The following SCUBE2 variants were observed in gnomAD, a reference collection of about 807,000 sequenced individuals.
SCUBE2 encodes the protein signal peptide, CUB domain and EGF like domain containing 2.
In SCUBE2, 114 loss-of-function variants were observed where a neutral mutation model predicts 125.9. The ratio of observed to expected loss-of-function variants is 0.91; its 90% CI spans 0.78 to 1.06. The LOEUF is 1.06. Among genes scored for constraint, SCUBE2 ranks in the 50% least tolerant of loss-of-function variants. The pLI, the probability that SCUBE2 is intolerant of heterozygous loss-of-function variation, is 0.00. For synonymous variants in SCUBE2, 459 were observed against 492.9 expected, an observed-to-expected ratio of 0.93 and a Z score of 0.91; for missense variants, 1,255 against 1,301.8, an observed-to-expected ratio of 0.96 and a Z score of 0.55.
chr11:9,084,258 A>C (rs1290168565), intron 2 of SCUBE2, among the ~76,000 whole-genome samples: 1 of 152,232 alleles, frequency 6.6e-6, no homozygotes, highest in East Asian at 1.9e-4. Context: ...ATAAATATAG[A>C]TGTAATAAAG....
rs367701920 is a variant in SCUBE2 at position 9,060,491 on chromosome 11, C to A, written c.884G>T (p.Arg295Leu). 2.5e-6 allele frequency: 4 copies of A among 1,613,788 alleles called. No homozygotes were observed. The highest frequency in any genetic ancestry group is 1.7e-5 in the Admixed American group (1 of 59,992). The change falls in exon 8 of 23, where the codon CGC (arginine) becomes CTC (leucine). Residue 295 changes from arginine (R) to leucine (L), a missense_variant. Coordinates refer to ENST00000649792, the MANE Select transcript of SCUBE2 (RefSeq NM_001367977.2). ...TCAVNNGGCD[R>L]TCKDTSTGVH... Reference sequence around the variant, plus strand: ...ACCTGTCGAAGTATCCTTACAGGTGCGGTCACAGCCTCCATTGTTGACAGC... The same window carrying A: ...ACCTGTCGAAGTATCCTTACAGGTGAGGTCACAGCCTCCATTGTTGACAGC...
chr11:9,048,391 G>A (rs912045884), intron 14 of SCUBE2, among the ~76,000 whole-genome samples: 2 of 152,212 alleles, frequency 1.3e-5, no homozygotes, highest in Admixed American at 6.5e-5. Flanking sequence ...AAGAACCAGG[G>A]ATTGTCTTGC....
chr11:9,035,276 G>A (rs1856664497), intron 16 of SCUBE2, among the ~76,000 whole-genome samples: 1 of 152,120 alleles, frequency 6.6e-6, no homozygotes, highest in African/African-American at 2.4e-5. Flanking sequence ...ACAGCCCTAA[G>A]GATCTAGGTA....
chr11:9,084,444 C>T (rs1024299334), intron 2 of SCUBE2, among the ~76,000 whole-genome samples: 1 of 152,034 alleles, frequency 6.6e-6, no homozygotes, highest in African/African-American at 2.4e-5. Context: ...CAGTTGGATG[C>T]TAACATCAGT....
chr11:9,088,623 C>T (rs1862327993), intron 2 of SCUBE2, among the ~76,000 whole-genome samples: 1 of 152,194 alleles, frequency 6.6e-6, no homozygotes, highest in Non-Finnish European at 1.5e-5. Flanking sequence ...AGATCAATTC[C>T]CATGGGAGTT....
At chr11:9,081,180 A>G (rs569331583) in intron 2 of SCUBE2, among the ~76,000 whole-genome samples, 2 of 152,238 alleles carry the variant, frequency 1.3e-5, no homozygotes, top group African/African-American at 4.8e-5. Context: ...GCCACTTTGG[A>G]CAAGAGTTTG....
chr11:9,032,127 ATT>A (rs1039137673), intron 17 of SCUBE2, among the ~76,000 whole-genome samples: 3 of 145,736 alleles, frequency 2.1e-5, no homozygotes. Context: ...TATTGCTGTC[ATT>A]TTTTTTTTTT....
chr11:9,020,964 G>A lies in SCUBE2; in HGVS notation c.*81C>T. On this transcript the variant is annotated 3_prime_UTR_variant, in exon 23 of 23. Transcript: ENST00000649792. ...ATACGGGAGGCAGCAATACCCGACT[G>A]TGCTGACATGCAGAAGGAAGACAGC... is the stretch of plus-strand genomic sequence containing the variant. The A allele has an allele frequency of 7.6e-7, 1 of 1,316,500 alleles. No individual in the cohort carries two copies. The highest frequency in any genetic ancestry group is 1.7e-5 in the South Asian group (1 of 59,368). 81.6% of individuals were successfully genotyped at this position (1,316,500 alleles called of 1,614,324 possible).
At chr11:9,069,247 G>A (rs924018170) in intron 5 of SCUBE2, 123 bp downstream of exon 5, 36 of 1,278,704 alleles carry the variant, frequency 2.8e-5, no homozygotes, top group East Asian at 7.1e-5. Context: ...TCGGTATCCC[G>A]TGCTAACTGC....
Position 9,027,398 on chromosome 11 carries a change from G to C in SCUBE2, c.2667C>G (p.Asp889Glu), listed in dbSNP as rs143312731. 497 of 1,613,976 alleles carry C rather than the reference G, an allele frequency of 3.1e-4. 2 individuals are homozygous for C. The highest frequency in any genetic ancestry group is 1.7e-4 in the Non-Finnish European group (205 of 1,179,990). ...VVPEIFLPIEDDCGDYLVMRK... is the reference protein window; with the variant it reads ...VVPEIFLPIEEDCGDYLVMRK... Reference sequence around the variant, plus strand: ...GCATCACCAGATAGTCCCCACAGTCGTCCTCTATGGGCAGGAAGATCTCAG... The same window carrying C: ...GCATCACCAGATAGTCCCCACAGTCCTCCTCTATGGGCAGGAAGATCTCAG... Residue 889 changes from aspartate to glutamate, a missense_variant, in exon 20 of 23, where the codon GAC (aspartate) becomes GAG (glutamate). Asp to Glu is a conservative substitution (Grantham distance 45, BLOSUM62 2). This residue lies in a region of SCUBE2 where 515 missense variants were observed against 515.7 expected (regional missense o/e 1.00). Transcript: ENST00000649792.
chr11:9,081,725 C>G (rs892467282), intron 2 of SCUBE2, among the ~76,000 whole-genome samples: 4 of 152,152 alleles, frequency 2.6e-5, no homozygotes, highest in Admixed American at 2.6e-4. Context: ...GTTGCTTATC[C>G]ACTCATCTGT....
At chr11:9,062,470 C>T (rs558175583) in intron 7 of SCUBE2, among the ~76,000 whole-genome samples, 9 of 152,284 alleles carry the variant, frequency 5.9e-5, no homozygotes, top group African/African-American at 2.2e-4. Context: ...ATCCAATTGG[C>T]TTTTTAGTAT....
At position 9,020,029 on chromosome 11, in the gene SCUBE2, C is replaced by A. The variant is rs1000566394; in HGVS notation, c.*1016G>T. On this transcript the variant is annotated 3_prime_UTR_variant, in exon 23 of 23. Transcript: ENST00000649792. Reference sequence around the variant, plus strand: ...GAGAATGAGACCACCCTTCAAGGGGCTGCTCATGTCCACGGAGCAGAGTCC... The same window carrying A: ...GAGAATGAGACCACCCTTCAAGGGGATGCTCATGTCCACGGAGCAGAGTCC... 1.3e-5 allele frequency among the ~76,000 whole-genome samples: 2 copies of A among 152,194 alleles called. No individual in the cohort carries two copies. Among genetic ancestry groups the A allele is most frequent in the African/African-American group, 4.8e-5 (2 of 41,434 alleles).
In SCUBE2 at chr11:9,054,698, A is replaced by ACAATATATATATAT. The variant is rs1564822811; in HGVS notation, c.1208-940_1208-939insATATATATATATTG. On this transcript the variant is annotated intron_variant, in intron 10 of 22. Transcript: ENST00000649792. Reference sequence around the variant, plus strand: ...AGATAACTGTCAGTAGCAAAGCACTAGTGTATATATATATATATATATATA... The same window carrying ACAATATATATATAT: ...AGATAACTGTCAGTAGCAAAGCACTACAATATATATATATGTGTATATATATATATATATATATA... 7.2e-4 allele frequency among the ~76,000 whole-genome samples: 44 copies of ACAATATATATATAT among 61,226 alleles called. 4 individuals carry two copies. The highest frequency in any genetic ancestry group is 8.9e-4 in the Non-Finnish European group (33 of 36,998). The allele number at this position is 61,226 out of a possible 152,430, so 40.2% of individuals were successfully genotyped here.
In SCUBE2 at chr11:9,026,612, TAA is replaced by T. The variant is rs200892647; in HGVS notation, c.2701+750_2701+751del. 9.1e-5 allele frequency: 13 copies of T among 142,448 alleles called. No individual in the cohort carries two copies. In the East Asian group the frequency reaches 1.4e-3, roughly 16 times the overall value. 8.8% of individuals were successfully genotyped at this position (142,448 alleles called of 1,614,324 possible). A position where few individuals can be genotyped will look rare whatever the true frequency, so the allele number is the denominator to read the frequency against. ...GCATGCACCATCATGCCCAGCTAAT[TAA>T]AAAAAAAAAAATGTATAGAGACAGG... On this transcript the variant is annotated intron_variant, in intron 20 of 22. Coordinates refer to ENST00000649792, the MANE Select transcript of SCUBE2 (RefSeq NM_001367977.2).
intron 22 of SCUBE2, among the ~76,000 whole-genome samples, 165 bp from the exon 23 acceptor site, chr11:9,021,362 T>C (rs190518669): frequency 6.6e-6 from 1 of 152,314 alleles, no homozygotes; most frequent in Non-Finnish European, 1.5e-5. Context: ...TTTTTATTTT[T>C]CCTAATTAGT....
Position 9,027,501 on chromosome 11 carries a change from G to A in SCUBE2, c.2564C>T (p.Pro855Leu). ...FTGYIESPNY[P>L]GNYPANTECT... Reference sequence around the variant, plus strand: ...CTCGGTGTTGGCTGGGTAATTGCCTGGGTAGTTTGGGGATTCAATGTACCC... The same window carrying A: ...CTCGGTGTTGGCTGGGTAATTGCCTAGGTAGTTTGGGGATTCAATGTACCC... The change falls in exon 20 of 23, where the codon CCA (proline) becomes CTA (leucine). Residue 855 changes from proline (P) to leucine (L), a missense_variant. By Grantham distance (98) the Pro-to-Leu change is moderately conservative (BLOSUM62 -3). Around this residue, in one of 3 missense-constraint regions of SCUBE2, gnomAD observed 515 missense variants for 515.7 expected, o/e 1.00. Transcript: ENST00000649792. The A allele has an allele frequency of 6.2e-7, 1 of 1,614,070 alleles. No homozygotes were observed. Among genetic ancestry groups the A allele is most frequent in the East Asian group, 2.2e-5 (1 of 44,868 alleles).
chr11:9,088,709 G>A (rs1287641464), intron 2 of SCUBE2, among the ~76,000 whole-genome samples: 1 of 152,214 alleles, frequency 6.6e-6, no homozygotes, highest in Non-Finnish European at 1.5e-5. Context: ...GTTGGGTCCA[G>A]GAGCAAGGAG....
chr11:9,073,147 G>A (rs143167998), intron 4 of SCUBE2, among the ~76,000 whole-genome samples: 214 of 152,262 alleles, frequency 1.4e-3, no homozygotes, highest in African/African-American at 4.8e-3. Context: ...CCTGAGATTC[G>A]GATCACTCTG....
Sources: gnomAD v4.1 joint callset for allele counts (sites outside exome capture counted in the v4.1 genomes callset) on GRCh38, gnomAD v4.1.1 for gene constraint, gnomAD v4.1.1 regional missense constraint, MANE v1.5 for transcripts, NCBI Gene and HGNC (gene_info 2026-07-23, HGNC 2026-07-21) for gene names.